The following NELL2 variants were observed in gnomAD, a reference collection of about 807,000 sequenced individuals.
NELL2 encodes protein kinase C-binding protein NELL2.
In NELL2, 41 loss-of-function variants were observed where a neutral mutation model predicts 109.6. The ratio of observed to expected loss-of-function variants is 0.37; its 90% CI spans 0.29 to 0.49. The LOEUF (loss-of-function observed/expected upper bound fraction) is 0.49, where lower values mean the gene tolerates loss of function less well. Among genes scored for constraint, NELL2 ranks in the 20% least tolerant of loss-of-function variants. The probability of loss-of-function intolerance (pLI) is 0.98; values close to 1 mark genes in which losing one functional copy is unlikely to be tolerated. For missense variants in NELL2, 900 were observed against 1,008.3 expected, an observed-to-expected ratio of 0.89 and a Z score of 1.45; for synonymous variants, 355 against 344.7, an observed-to-expected ratio of 1.03 and a Z score of -0.33.
chr12:44,846,338 T>A (rs1344565720), intron 2 of NELL2, among the ~76,000 whole-genome samples: 3 of 152,228 alleles, frequency 2.0e-5, no homozygotes, highest in Non-Finnish European at 4.4e-5. Context: ...GGTGTCAGCA[T>A]CAACACGGAT....
In NELL2 at chr12:44,508,671, G is replaced by A. The variant is rs1940836409; in HGVS notation, c.*263C>T. ...AGGCTTTCTATCCAGGGTTCAGGAT[G>A]TCACGGTATATACTGTACGCCCATT... On this transcript the variant is annotated 3_prime_UTR_variant, in exon 20 of 20. Transcript: ENST00000429094. 1 of 325,576 alleles carries A rather than the reference G, an allele frequency of 3.1e-6. No individual in the cohort carries two copies. The highest frequency in any genetic ancestry group is 5.7e-6 in the Non-Finnish European group (1 of 176,636). 20.2% of individuals were successfully genotyped at this position (325,576 alleles called of 1,614,324 possible).
intron 9 of NELL2, among the ~76,000 whole-genome samples, chr12:44,716,487 T>C (rs919425149): frequency 6.6e-6 from 1 of 152,176 alleles, no homozygotes; most frequent in African/African-American, 2.4e-5. Flanking sequence ...ATATTATGAA[T>C]TAAAATGGTA....
chr12:44,745,299 C>A (rs887151132), intron 9 of NELL2, among the ~76,000 whole-genome samples: 17 of 152,066 alleles, frequency 1.1e-4, no homozygotes, highest in African/African-American at 3.4e-4. Flanking sequence ...TGGGACGTAT[C>A]TCAAAATAAT....
chr12:44,872,280 T>C (rs146782975), intron 2 of NELL2, among the ~76,000 whole-genome samples: 20 of 152,252 alleles, frequency 1.3e-4, no homozygotes, highest in African/African-American at 4.8e-4. Context: ...GATTCCTTTT[T>C]TGAAAATTAT....
intron 15 of NELL2, among the ~76,000 whole-genome samples, chr12:44,594,762 A>G (rs1054976777): frequency 6.6e-6 from 1 of 152,214 alleles, no homozygotes; most frequent in Non-Finnish European, 1.5e-5. Flanking sequence ...TACATTATCT[A>G]AAATTAGTTT....
At chr12:44,601,302 A>G (rs1945211986) in intron 15 of NELL2, among the ~76,000 whole-genome samples, 1 of 152,138 alleles carries the variant, frequency 6.6e-6, no homozygotes, top group Admixed American at 6.5e-5. Context: ...GATTTTTTCC[A>G]ATTAACCTGA....
chr12:44,824,830 C>A (rs1377076221), intron 2 of NELL2, among the ~76,000 whole-genome samples: 1 of 151,514 alleles, frequency 6.6e-6, no homozygotes, highest in South Asian at 2.1e-4. Flanking sequence ...CCTGCCTCAG[C>A]CTCCCAAGTA....
chr12:44,834,690 G>A (rs1191112659), intron 2 of NELL2, among the ~76,000 whole-genome samples: 7 of 151,972 alleles, frequency 4.6e-5, no homozygotes, highest in Admixed American at 6.6e-5. Flanking sequence ...GCCTCACCCC[G>A]CATCCAAACC....
intron 1 of NELL2, 157 bp downstream of exon 1, chr12:44,875,658 A>C: frequency 1.3e-6 from 2 of 1,506,066 alleles, no homozygotes; most frequent in Middle Eastern, 2.2e-4. Context: ...CAAGCACAGA[A>C]AAAAAAAAAA....
chr12:44,909,977 T>A (rs376933186), intron 1 of NELL2, among the ~76,000 whole-genome samples: 16 of 151,866 alleles, frequency 1.1e-4, no homozygotes, highest in African/African-American at 3.6e-4. Flanking sequence ...ACAAAAAAAA[T>A]TAACTCAAAA....
At chr12:44,531,111 G>C (rs1360904109) in intron 16 of NELL2, among the ~76,000 whole-genome samples, 1 of 152,178 alleles carries the variant, frequency 6.6e-6, no homozygotes, top group East Asian at 1.9e-4. Context: ...AGAAAAAAGT[G>C]TGCAAGGATA....
intron 2 of NELL2, among the ~76,000 whole-genome samples, chr12:44,854,911 A>C (rs899248347): frequency 6.6e-6 from 1 of 152,190 alleles, no homozygotes; most frequent in Non-Finnish European, 1.5e-5. Context: ...GTGTTGTCCA[A>C]TAGAAGTATA....
intron 15 of NELL2, among the ~76,000 whole-genome samples, chr12:44,586,389 CAT>C (rs1944505189): frequency 1.3e-5 from 2 of 151,056 alleles, no homozygotes; most frequent in Admixed American, 6.6e-5. Flanking sequence ...AAATTAAATA[CAT>C]GAGTCTTAAA....
intron 9 of NELL2, among the ~76,000 whole-genome samples, chr12:44,742,487 G>C (rs1036607640): frequency 6.6e-6 from 1 of 152,200 alleles, no homozygotes; most frequent in South Asian, 2.1e-4. Flanking sequence ...AGAGAAGAAG[G>C]CTTCAGACGA....
chr12:44,776,916 T>C (rs1290452535), intron 7 of NELL2, 126 bp downstream of exon 7: 1 of 747,014 alleles, frequency 1.3e-6, no homozygotes, highest in Admixed American at 2.5e-5. Context: ...GAGATTTAGA[T>C]TCAGTCCTAG....
At chr12:44,510,300 T>C (rs1240486565) in intron 19 of NELL2, among the ~76,000 whole-genome samples, 6 of 152,184 alleles carry the variant, frequency 3.9e-5, no homozygotes, top group African/African-American at 1.2e-4. Context: ...CTATTAATAG[T>C]CACACGTTTT....
intron 9 of NELL2, among the ~76,000 whole-genome samples, chr12:44,760,500 C>T (rs10785526): frequency 0.68 from 102,971 of 151,902 alleles, 35,311 homozygotes; most frequent in Non-Finnish European, 0.74. Flanking sequence ...ATAACTCATA[C>T]TAGAAAGCTA....
chr12:44,917,189 T>C (rs1945835102), upstream of NELL2, among the ~76,000 whole-genome samples: 1 of 152,162 alleles, frequency 6.6e-6, no homozygotes, highest in South Asian at 2.1e-4. Context: ...CAAGGTAGAT[T>C]TACTGCAAGA....
intron 3 of NELL2, among the ~76,000 whole-genome samples, chr12:44,810,529 C>A (rs1250254872): frequency 1.3e-5 from 2 of 152,074 alleles, no homozygotes. Flanking sequence ...AATAAAGGTT[C>A]ATTGAAAAAG....
Sources: allele counts gnomAD v4.1 joint callset (sites outside exome capture counted in the v4.1 genomes callset), GRCh38; gene constraint gnomAD v4.1.1; transcripts MANE v1.5; gene names NCBI Gene and HGNC (gene_info 2026-07-23, HGNC 2026-07-21).